The following AIM2 variants were observed in gnomAD, a reference collection of about 807,000 sequenced individuals.
The protein encoded by AIM2 is absent in melanoma 2, also known as interferon-inducible protein AIM2.
Under a neutral mutation model 27.7 loss-of-function variants are expected in AIM2, and 30 were observed. The observed-to-expected ratio is 1.08, with a 90% CI of 0.81 to 1.47. AIM2 has a LOEUF of 1.47. Among genes scored for constraint, AIM2 ranks in the 40% most tolerant of loss-of-function variants. The pLI is 0.00. For synonymous variants in AIM2, 141 were observed against 145.3 expected (o/e 0.97, Z 0.21); for missense variants, 358 against 411.3 (o/e 0.87, Z 1.12).
intron 1 of AIM2, among the ~76,000 whole-genome samples, chr1:159,108,526 C>T (rs1375263336): frequency 6.6e-6 from 1 of 152,114 alleles, no homozygotes; most frequent in Non-Finnish European, 1.5e-5. Context: ...CAACATAGTA[C>T]TGGAAGTCCT....
chr1:159,065,331 A>C (rs1217969531), intron 4 of AIM2, among the ~76,000 whole-genome samples: 1 of 152,222 alleles, frequency 6.6e-6, no homozygotes. Context: ...GCCGCCGTGC[A>C]ACCTTCCAAG....
At chr1:159,104,834 G>A (rs762279670) in intron 1 of AIM2, among the ~76,000 whole-genome samples, 1 of 152,192 alleles carries the variant, frequency 6.6e-6, no homozygotes, top group South Asian at 2.1e-4. Flanking sequence ...CTAGCTAGGA[G>A]ATGTGCTCAA....
At chr1:159,074,363 A>ATAAG (rs1656502423) in intron 1 of AIM2, among the ~76,000 whole-genome samples, 1 of 152,200 alleles carries the variant, frequency 6.6e-6, no homozygotes, top group Non-Finnish European at 1.5e-5. Flanking sequence ...TGTATATGAT[A>ATAAG]TAAGTGATGA....
At chr1:159,094,011 A>AT (rs1450279310) in intron 1 of AIM2, among the ~76,000 whole-genome samples, 2 of 151,844 alleles carry the variant, frequency 1.3e-5, no homozygotes, top group Non-Finnish European at 2.9e-5. Flanking sequence ...AAGTGCTGGG[A>AT]TTACAGGCGT....
intron 1 of AIM2, among the ~76,000 whole-genome samples, chr1:159,115,536 C>T (rs1288243423): frequency 9.9e-5 from 15 of 152,212 alleles, no homozygotes; most frequent in Admixed American, 3.3e-4. Flanking sequence ...GCCGCATATC[C>T]ACAACCATCT....
chr1:159,117,141 AG>A (rs1264686524), intron 1 of AIM2, among the ~76,000 whole-genome samples: 2 of 152,232 alleles, frequency 1.3e-5, no homozygotes, highest in African/African-American at 2.4e-5. Context: ...GAACAGAGAT[AG>A]GGCAAAACAT....
chr1:159,062,751 T>C (rs1655886653), intron 5 of AIM2, 33 bp from the exon 6 acceptor site: 3 of 1,609,868 alleles, frequency 1.9e-6, no homozygotes, highest in Non-Finnish European at 2.6e-6. Context: ...CAGTCTGAGA[T>C]GCAGTCGATG....
intron 1 of AIM2, among the ~76,000 whole-genome samples, chr1:159,119,975 T>C (rs1647488353): frequency 6.6e-6 from 1 of 152,146 alleles, no homozygotes; most frequent in Non-Finnish European, 1.5e-5. Flanking sequence ...ATACATTATA[T>C]AGATCATGTG....
intron 1 of AIM2, among the ~76,000 whole-genome samples, chr1:159,130,576 C>T (rs1194379281): frequency 6.6e-6 from 1 of 152,044 alleles, no homozygotes; most frequent in Non-Finnish European, 1.5e-5. Flanking sequence ...TTCCCTTTGC[C>T]TCTTACAGCT....
Position 159,136,774 on chromosome 1 carries a change from T to G in AIM2, c.-16+3657A>C, listed in dbSNP as rs147511504. On this transcript the variant is annotated intron_variant, in intron 1 of 2. Transcript: ENST00000368129. Reference sequence around the variant, plus strand: ...CTTTACATATAAGCAAAATGAACATTTTTACCATTAGGTAATAACTATTGT... The same window carrying G: ...CTTTACATATAAGCAAAATGAACATGTTTACCATTAGGTAATAACTATTGT... 3.8e-3 allele frequency among the ~76,000 whole-genome samples: 583 copies of G among 152,336 alleles called. 3 individuals are homozygous for G. Among genetic ancestry groups the G allele is most frequent in the African/African-American group, 0.012 (483 of 41,566 alleles).
chr1:159,078,950 A>G (rs970002998), upstream of AIM2, among the ~76,000 whole-genome samples: 1 of 152,222 alleles, frequency 6.6e-6, no homozygotes, highest in African/African-American at 2.4e-5. Flanking sequence ...TGCCAATCCT[A>G]TAATTAAACT....
chr1:159,062,197 TTG>T (rs1327891071), downstream of AIM2, among the ~76,000 whole-genome samples: 1 of 152,222 alleles, frequency 6.6e-6, no homozygotes, highest in Admixed American at 6.5e-5. Context: ...TAACACAAAA[TTG>T]TGTTATTATT....
At chr1:159,139,259 C>A (rs1397071380) in intron 1 of AIM2, among the ~76,000 whole-genome samples, 2 of 152,172 alleles carry the variant, frequency 1.3e-5, no homozygotes, top group African/African-American at 4.8e-5. Context: ...AAGGATCCTG[C>A]CAGCTAGAAA....
chr1:159,056,435 G>A, the AIM2 span, among the ~76,000 whole-genome samples: 1 of 151,974 alleles, frequency 6.6e-6, no homozygotes, highest in Non-Finnish European at 1.5e-5. Context: ...ATAAGGATAA[G>A]GACAAAGACC....
chr1:159,112,423 G>A (rs1020951858), intron 1 of AIM2, among the ~76,000 whole-genome samples: 8 of 152,100 alleles, frequency 5.3e-5, no homozygotes, highest in Non-Finnish European at 1.2e-4. Flanking sequence ...AGACTTAACA[G>A]ATATAAACAA....
chr1:159,056,740 A>AAC, the AIM2 span, among the ~76,000 whole-genome samples: 4 of 145,562 alleles, frequency 2.7e-5, 1 homozygote, highest in Non-Finnish European at 1.5e-5. Context: ...AAAAAAAAAA[A>AAC]AAAAAAAACT....
chr1:159,122,903 C>T (rs1250321076), intron 1 of AIM2, among the ~76,000 whole-genome samples: 1 of 152,180 alleles, frequency 6.6e-6, no homozygotes, highest in African/African-American at 2.4e-5. Context: ...TAGATGTCTA[C>T]AGTTGTGTTG....
chr1:159,073,400 T>C lies in AIM2; in HGVS notation c.100A>G (p.Asn34Asp), dbSNP rs1215704089. ...GTATGTAGTTTGCCTGTGGCAATAT[T>C]AAACTCGTCTGAAAGAAAGAACTTA... is the stretch of plus-strand genomic sequence containing the variant. ...RFKFFLSDEFNIATGKLHTAN... is the reference protein window; with the variant it reads ...RFKFFLSDEFDIATGKLHTAN... Residue 34 changes from asparagine (N) to aspartate (D), a missense_variant, in exon 2 of 6, where the codon AAT (asparagine) becomes GAT (aspartate). Coordinates refer to ENST00000368130, the MANE Select transcript of AIM2 (RefSeq NM_004833.3). The C allele has an allele frequency of 6.2e-7, 1 of 1,614,190 alleles. No individual in the cohort carries two copies. The highest frequency in any genetic ancestry group is 8.5e-7 in the Non-Finnish European group (1 of 1,180,026).
intron 1 of AIM2, among the ~76,000 whole-genome samples, chr1:159,146,496 A>G (rs1648210326): frequency 6.6e-6 from 1 of 152,050 alleles, no homozygotes; most frequent in South Asian, 2.1e-4. Flanking sequence ...CTGCTTTAAA[A>G]TGTTCTTCTC....
Sources: gnomAD v4.1 joint callset for allele counts (sites outside exome capture counted in the v4.1 genomes callset) on GRCh38, gnomAD v4.1.1 for gene constraint, MANE v1.5 for transcripts, NCBI Gene and HGNC (gene_info 2026-07-23, HGNC 2026-07-21) for gene names.